ZMYND11: variants seen among roughly 807,000 people sequenced by gnomAD.
The protein encoded by ZMYND11 is zinc finger MYND domain-containing protein 11.
ZMYND11 carries 9 observed loss-of-function variants against 84.9 expected under a neutral mutation model. The observed-to-expected ratio is 0.11, with a 90% CI of 0.06 to 0.18. The LOEUF (loss-of-function observed/expected upper bound fraction) is 0.18. Among genes scored for constraint, ZMYND11 ranks in the 10% least tolerant of loss-of-function variants. The pLI, the probability that ZMYND11 is intolerant of heterozygous loss-of-function variation, is 1.00. For synonymous variants in ZMYND11, 250 were observed against 244.1 expected, an observed-to-expected ratio of 1.02 and a Z score of -0.23; for missense variants, 409 against 761.0, an observed-to-expected ratio of 0.54 and a Z score of 5.44.
At chr10:161,834 C>G (rs1842998213) in intron 1 of ZMYND11, among the ~76,000 whole-genome samples, 1 of 152,184 alleles carries the variant, frequency 6.6e-6, no homozygotes, top group Non-Finnish European at 1.5e-5. Flanking sequence ...GTCTGGTGTT[C>G]TATTCAGACC....
In ZMYND11 at chr10:146,061, G is replaced by A. The variant is rs544337195; in HGVS notation, c.-20+10502G>A. Among the ~76,000 whole-genome samples the A allele has an allele frequency of 2.6e-5, 4 of 152,198 alleles. No individual in the cohort carries two copies. In the East Asian group the frequency reaches 5.8e-4, roughly 22 times the overall value. On this transcript the variant is annotated intron_variant, in intron 1 of 14. Transcript: ENST00000381604. ...CATCTTGAGTTGATTTTTGTATAAG[G>A]TGGGAGCTAGGGATCCAGTTTCATT...
chr10:240,879 C>CT lies in ZMYND11; in HGVS notation c.754-10dup. ...TATTTTATGTAGGCTAAAGTAGTTT[C>CT]TTTTCTTTTTCAGCTGGATGAACTG... On this transcript the variant is annotated splice_polypyrimidine_tract_variant and intron_variant, in intron 8 of 14. Transcript: ENST00000381604. 6.2e-7 allele frequency: 1 copy of CT among 1,607,544 alleles called. No individual in the cohort carries two copies. The highest frequency in any genetic ancestry group is 8.5e-7 in the Non-Finnish European group (1 of 1,176,660).
intron 2 of ZMYND11, among the ~76,000 whole-genome samples, chr10:204,338 T>C (rs373871197): frequency 2.6e-5 from 4 of 152,188 alleles, no homozygotes; most frequent in African/African-American, 9.7e-5. Context: ...TACACAAATT[T>C]TGTCATTCTA....
intron 2 of ZMYND11, among the ~76,000 whole-genome samples, chr10:192,110 G>C (rs139344236): frequency 9.8e-5 from 15 of 152,298 alleles, no homozygotes; most frequent in Non-Finnish European, 1.6e-4. Context: ...GAACAGATCT[G>C]TGTGACTTTG....
intron 2 of ZMYND11, among the ~76,000 whole-genome samples, chr10:208,875 G>A (rs967357181): frequency 6.6e-6 from 1 of 152,122 alleles, no homozygotes; most frequent in Non-Finnish European, 1.5e-5. Flanking sequence ...CTTCTAGCGT[G>A]GAATGTTTCT....
upstream of ZMYND11, among the ~76,000 whole-genome samples, chr10:134,202 A>G (rs1435458381): frequency 1.3e-5 from 2 of 152,274 alleles, no homozygotes; most frequent in East Asian, 1.9e-4. Flanking sequence ...CTAATAATAA[A>G]CCAGAACAAT....
chr10:181,960 C>A (rs1032878611), intron 2 of ZMYND11, among the ~76,000 whole-genome samples: 16 of 152,112 alleles, frequency 1.1e-4, no homozygotes, highest in South Asian at 4.1e-4. Flanking sequence ...TTTTAAAAAA[C>A]CATCCTTTAC....
intron 1 of ZMYND11, among the ~76,000 whole-genome samples, chr10:177,721 C>A (rs1554767242): frequency 6.6e-6 from 1 of 151,932 alleles, no homozygotes; most frequent in Non-Finnish European, 1.5e-5. Context: ...TCTTACATAT[C>A]ATGAATTGTG....
intron 11 of ZMYND11, 82 bp downstream of exon 11, chr10:247,055 G>T: frequency 7.3e-7 from 1 of 1,363,672 alleles, no homozygotes. Flanking sequence ...TCACTGTAAT[G>T]AACAGATTTT....
rs375793309 is a variant in ZMYND11 at position 158,583 on chromosome 10, A to ATT, written c.-19-21394_-19-21393dup. Reference sequence around the variant, plus strand: ...AGGTGTTTGCCACCATACCCAGCTAATTTTTTTTTTTTTTTTTTGTAGAGA... The same window carrying ATT: ...AGGTGTTTGCCACCATACCCAGCTAATTTTTTTTTTTTTTTTTTTTGTAGAGA... On this transcript the variant is annotated intron_variant, in intron 1 of 14. Transcript: ENST00000381604. Among the ~76,000 whole-genome samples the ATT allele has an allele frequency of 2.0e-4, 26 of 132,346 alleles. 1 individual carries two copies. Among genetic ancestry groups the ATT allele is most frequent in the African/African-American group, 3.9e-4 (14 of 35,810 alleles). The allele number at this position is 132,346 out of a possible 152,430, so 86.8% of individuals were successfully genotyped here. A position where few individuals can be genotyped will look rare whatever the true frequency, so the allele number is the denominator to read the frequency against.
At chr10:164,598 G>T (rs1384101772) in intron 1 of ZMYND11, among the ~76,000 whole-genome samples, 3 of 152,152 alleles carry the variant, frequency 2.0e-5, no homozygotes, top group Non-Finnish European at 4.4e-5. Context: ...CATCCATTGT[G>T]CAAGTGGTAT....
At chr10:131,562 T>C (rs1835313075), upstream of ZMYND11, among the ~76,000 whole-genome samples, 1 of 152,224 alleles carries the variant, frequency 6.6e-6, no homozygotes, top group Admixed American at 6.5e-5. Context: ...TCTTGCTCTG[T>C]TGTCCAGGCT....
chr10:156,994 T>G (rs1227250876), intron 1 of ZMYND11, among the ~76,000 whole-genome samples: 1 of 152,184 alleles, frequency 6.6e-6, no homozygotes, highest in Non-Finnish European at 1.5e-5. Context: ...AGAGTCAAGT[T>G]TGTTTTTTTA....
intron 8 of ZMYND11, 86 bp downstream of exon 8, chr10:240,197 G>GAAA (rs1950636549): frequency 8.3e-7 from 1 of 1,210,322 alleles, no homozygotes; most frequent in Non-Finnish European, 1.1e-6. Flanking sequence ...CATTTTAGTT[G>GAAA]TGCCATTTCC....
intron 10 of ZMYND11, chr10:244,685 A>G (rs1951758300): frequency 6.6e-6 from 1 of 152,276 alleles, no homozygotes; most frequent in African/African-American, 2.4e-5. Flanking sequence ...TAGTTAGAGC[A>G]TTGGCAGACA....
chr10:138,553 T>C (rs1554752993), intron 1 of ZMYND11, among the ~76,000 whole-genome samples: 2 of 152,232 alleles, frequency 1.3e-5, no homozygotes, highest in African/African-American at 2.4e-5. Flanking sequence ...GCATTCATAC[T>C]CTTTGGCATA....
chr10:246,814 T>G lies in ZMYND11; in HGVS notation c.999T>G (p.His333Gln). ...TTCAAGATATCACAGTCAACATTCATCGGCTGCACGTGAAGCGCAGTATGG... is the reference window on the plus strand; with the variant it reads ...TTCAAGATATCACAGTCAACATTCAGCGGCTGCACGTGAAGCGCAGTATGG... ...ENIQDITVNIHRLHVKRSMGW... is the reference protein window; with the variant it reads ...ENIQDITVNIQRLHVKRSMGW... Residue 333 changes from histidine (H) to glutamine (Q), a missense_variant, in exon 11 of 15, where the codon CAT (histidine) becomes CAG (glutamine). His to Gln is a conservative substitution (Grantham distance 24). Transcript: ENST00000381604. The G allele has an allele frequency of 5.0e-6, 8 of 1,614,150 alleles. No individual in the cohort carries two copies. The highest frequency in any genetic ancestry group is 6.8e-6 in the Non-Finnish European group (8 of 1,180,040).
At chr10:152,034 C>A (rs184251974) in intron 1 of ZMYND11, among the ~76,000 whole-genome samples, 2 of 152,284 alleles carry the variant, frequency 1.3e-5, no homozygotes, top group East Asian at 1.9e-4. Flanking sequence ...TTGTCACCAC[C>A]AGGCCTGCCC....
upstream of ZMYND11, among the ~76,000 whole-genome samples, chr10:131,516 T>C (rs1295783969): frequency 6.6e-6 from 1 of 152,130 alleles, no homozygotes; most frequent in Non-Finnish European, 1.5e-5. Flanking sequence ...TCAATGGAAA[T>C]GGATTTCTTA....
Sources: allele counts gnomAD v4.1 joint callset (sites outside exome capture counted in the v4.1 genomes callset), GRCh38; gene constraint gnomAD v4.1.1; transcripts MANE v1.5; gene names NCBI Gene and HGNC (gene_info 2026-07-23, HGNC 2026-07-21).